Variants in THEMIS observed in about 807,000 individuals in gnomAD.
The protein encoded by THEMIS is protein THEMIS.
In THEMIS, 37 loss-of-function variants were observed where a neutral mutation model predicts 52.6. The observed-to-expected ratio is 0.70, with a 90% CI of 0.54 to 0.93. The LOEUF (loss-of-function observed/expected upper bound fraction) is 0.93. Among genes scored for constraint, THEMIS ranks in the 40% least tolerant of loss-of-function variants. The pLI, the probability that THEMIS is intolerant of heterozygous loss-of-function variation, is 0.00. For synonymous variants in THEMIS, 292 were observed against 272.7 expected, an observed-to-expected ratio of 1.07 and a Z score of -0.70; for missense variants, 808 against 763.1, an observed-to-expected ratio of 1.06 and a Z score of -0.69.
In THEMIS at chr6:127,760,918, G is replaced by A. The variant is rs115027681; in HGVS notation, c.1759-41095C>T. On this transcript the variant is annotated intron_variant, in intron 4 of 5. Coordinates refer to ENST00000368248, the MANE Select transcript of THEMIS (RefSeq NM_001010923.3). The stretch of plus-strand genomic sequence containing the variant: ...TTATTTCATGTATATGACACCAAAA[G>A]TACAGTCAGCAAAAACAAAAATAAA... Among the ~76,000 whole-genome samples, 1,193 of 152,090 alleles carry A rather than the reference G, an allele frequency of 7.8e-3. 15 individuals carry two copies. The highest frequency in any genetic ancestry group is 0.027 in the African/African-American group (1,137 of 41,500).
chr6:127,772,204 T>G (rs1432047473), intron 4 of THEMIS, among the ~76,000 whole-genome samples: 3 of 152,058 alleles, frequency 2.0e-5, no homozygotes, highest in Non-Finnish European at 4.4e-5. Context: ...TATGGTTTTT[T>G]TTTTAATAAG....
chr6:127,741,860 G>A (rs1562227630), intron 4 of THEMIS, among the ~76,000 whole-genome samples: 1 of 152,098 alleles, frequency 6.6e-6, no homozygotes, highest in African/African-American at 2.4e-5. Context: ...TGGCAGTAGC[G>A]AAAATGATAA....
At chr6:127,896,535 A>G (rs543682930) in intron 1 of THEMIS, among the ~76,000 whole-genome samples, 1 of 151,714 alleles carries the variant, frequency 6.6e-6, no homozygotes, top group East Asian at 1.9e-4. Context: ...AGAAGACTTA[A>G]TTTAAAATGA....
intron 1 of THEMIS, among the ~76,000 whole-genome samples, chr6:127,915,384 T>C (rs746970887): frequency 2.0e-5 from 3 of 152,186 alleles, no homozygotes; most frequent in Non-Finnish European, 4.4e-5. Context: ...TGGCTTGGTA[T>C]TGACAGCTGA....
intron 1 of THEMIS, among the ~76,000 whole-genome samples, chr6:127,873,695 C>T (rs1228608421): frequency 6.6e-6 from 1 of 152,112 alleles, no homozygotes; most frequent in African/African-American, 2.4e-5. Context: ...TCTGTCTTTC[C>T]CAAAACTTAA....
At chr6:127,816,815 A>G (rs923888485) in intron 3 of THEMIS, among the ~76,000 whole-genome samples, 1 of 152,140 alleles carries the variant, frequency 6.6e-6, no homozygotes, top group African/African-American at 2.4e-5. Flanking sequence ...CCTGGGTCTC[A>G]TCTGCTACTC....
At chr6:127,814,167 C>T (rs1778047261) in intron 3 of THEMIS, among the ~76,000 whole-genome samples, 1 of 152,126 alleles carries the variant, frequency 6.6e-6, no homozygotes, top group Admixed American at 6.6e-5. Flanking sequence ...TTAGCCAGTA[C>T]CTTGGAGCTC....
At chr6:127,711,354 G>A (rs935364337) in intron 5 of THEMIS, among the ~76,000 whole-genome samples, 1 of 151,952 alleles carries the variant, frequency 6.6e-6, no homozygotes, top group African/African-American at 2.4e-5. Flanking sequence ...CTCCTGAGGA[G>A]GTCACAGACT....
intron 4 of THEMIS, among the ~76,000 whole-genome samples, chr6:127,764,548 T>C (rs1427350343): frequency 2.6e-5 from 4 of 152,018 alleles, no homozygotes; most frequent in Non-Finnish European, 5.9e-5. Flanking sequence ...CCTCTCCTTA[T>C]CCACTCCTTG....
At chr6:127,731,740 C>G (rs1774806154) in intron 4 of THEMIS, among the ~76,000 whole-genome samples, 1 of 143,660 alleles carries the variant, frequency 7.0e-6, no homozygotes, top group Non-Finnish European at 1.5e-5. Context: ...CTCTGTCGCC[C>G]AGGCTAGAGT....
Position 127,862,302 on chromosome 6 carries a change from C to G in THEMIS, c.92-7114G>C, listed in dbSNP as rs1330602456. 2.6e-5 allele frequency among the ~76,000 whole-genome samples: 4 copies of G among 152,072 alleles called. No individual in the cohort carries two copies. In the East Asian group the frequency reaches 7.7e-4, roughly 29 times the overall value. On this transcript the variant is annotated intron_variant, in intron 1 of 5. Transcript: ENST00000368248. Reference sequence around the variant, plus strand: ...AGTTATTGTACTGGCATTCTGATTTCTACCTTATATTCTTCTGAGTTGTAT... The same window carrying G: ...AGTTATTGTACTGGCATTCTGATTTGTACCTTATATTCTTCTGAGTTGTAT...
At chr6:127,721,965 C>T (rs1489109912) in intron 4 of THEMIS, among the ~76,000 whole-genome samples, 1 of 151,898 alleles carries the variant, frequency 6.6e-6, no homozygotes, top group Non-Finnish European at 1.5e-5. Context: ...ATATTCCAGA[C>T]TGAAAATAAA....
At chr6:127,829,962 A>T (rs756874615) in intron 2 of THEMIS, 28 bp from the exon 3 acceptor site, 1 of 1,531,272 alleles carries the variant, frequency 6.5e-7, no homozygotes, top group Non-Finnish European at 8.9e-7. Context: ...TGAATTAAAA[A>T]GAGAGTTCTT....
chr6:127,847,991 G>A (rs1397082963), intron 2 of THEMIS, among the ~76,000 whole-genome samples: 3 of 150,660 alleles, frequency 2.0e-5, no homozygotes, highest in South Asian at 2.1e-4. Flanking sequence ...ATATGTACAC[G>A]TGTGCCATGT....
intron 5 of THEMIS, among the ~76,000 whole-genome samples, chr6:127,717,572 C>T (rs547178965): frequency 9.2e-5 from 14 of 151,846 alleles, no homozygotes; most frequent in Non-Finnish European, 1.6e-4. Flanking sequence ...CAGTGGCTGA[C>T]AGCACTGATC....
At chr6:127,821,836 C>T (rs562010225) in intron 3 of THEMIS, among the ~76,000 whole-genome samples, 14 of 152,106 alleles carry the variant, frequency 9.2e-5, no homozygotes, top group Admixed American at 9.2e-4. Context: ...TTGGTCTCAA[C>T]TCACTAAGTG....
At chr6:127,747,381 TTATAGA>T (rs1426665564) in intron 4 of THEMIS, among the ~76,000 whole-genome samples, 1 of 145,640 alleles carries the variant, frequency 6.9e-6, no homozygotes, top group East Asian at 2.0e-4. Context: ...ATATTATATA[TTATAGA>T]TATAGATTTA....
At position 127,734,913 on chromosome 6, in the gene THEMIS, A is replaced by G. The variant is rs535707725; in HGVS notation, c.1759-15090T>C. Among the ~76,000 whole-genome samples, 75 of 106,408 alleles carry G rather than the reference A, an allele frequency of 7.0e-4. 1 individual carries two copies. The highest frequency in any genetic ancestry group is 3.2e-3 in the East Asian group (13 of 4,092). 69.8% of individuals were successfully genotyped at this position (106,408 alleles called of 152,430 possible). Reference sequence around the variant, plus strand: ...AAAAAAAAAATATATATATATATATATGTGTGTGTGTGTGTGTGTGTGTGT... The same window carrying G: ...AAAAAAAAAATATATATATATATATGTGTGTGTGTGTGTGTGTGTGTGTGT... On this transcript the variant is annotated intron_variant, in intron 4 of 5. Transcript: ENST00000368248.
rs932623706 is a variant in THEMIS, at chr6:127,708,614, AG to A, written c.*1370del. On this transcript the variant is annotated 3_prime_UTR_variant, in exon 6 of 6. Transcript: ENST00000368248. Reference sequence around the variant, plus strand: ...AGTTTCTGTTCTTATCTGCACAAACAGGCAAAATAAATAAAAGAAAAACTGT... The same window carrying A: ...AGTTTCTGTTCTTATCTGCACAAACAGCAAAATAAATAAAAGAAAAACTGT... 1 of 152,108 alleles carries A rather than the reference AG, an allele frequency of 6.6e-6. No homozygotes were observed. The highest frequency in any genetic ancestry group is 1.5e-5 in the Non-Finnish European group (1 of 67,998). The allele number at this position is 152,108 out of a possible 1,614,324, so 9.4% of individuals were successfully genotyped here. A position where few individuals can be genotyped will look rare whatever the true frequency, so the allele number is the denominator to read the frequency against.
Sources: gnomAD v4.1 joint callset for allele counts (sites outside exome capture counted in the v4.1 genomes callset) on GRCh38, gnomAD v4.1.1 for gene constraint, MANE v1.5 for transcripts, NCBI Gene and HGNC (gene_info 2026-07-23, HGNC 2026-07-21) for gene names.